The following SLC12A8 variants were observed in gnomAD, a reference collection of about 807,000 sequenced individuals.
The protein encoded by SLC12A8 is solute carrier family 12 member 8.
SLC12A8 carries 69 observed loss-of-function variants against 75.6 expected under a neutral mutation model. The observed-to-expected ratio is 0.91, with a 90% CI of 0.75 to 1.11. The LOEUF is 1.11. Ranked by LOEUF, SLC12A8 falls within the 50% of genes most tolerant of loss-of-function variation. SLC12A8 has a pLI of 0.00. For synonymous variants in SLC12A8, 365 were observed against 372.8 expected (o/e 0.98, Z 0.24); for missense variants, 877 against 896.7 (o/e 0.98, Z 0.28).
intron 5 of SLC12A8, among the ~76,000 whole-genome samples, chr3:125,161,908 C>T (rs1167971281): frequency 1.3e-5 from 2 of 152,250 alleles, no homozygotes; most frequent in Non-Finnish European, 1.5e-5. Flanking sequence ...GGAAAACTTT[C>T]AAAGCCACAG....
At chr3:125,175,954 T>C (rs938908425) in intron 5 of SLC12A8, among the ~76,000 whole-genome samples, 3 of 151,402 alleles carry the variant, frequency 2.0e-5, no homozygotes, top group Admixed American at 6.6e-5. Flanking sequence ...TGCCAGAGGG[T>C]AGGGGATACT....
intron 12 of SLC12A8, among the ~76,000 whole-genome samples, chr3:125,089,203 C>G (rs940551820): frequency 6.6e-6 from 1 of 152,086 alleles, no homozygotes; most frequent in Non-Finnish European, 1.5e-5. Flanking sequence ...CAGCTGATAA[C>G]CTGTTTCCTC....
At position 125,097,824 on chromosome 3, in the gene SLC12A8, C is replaced by T. The variant is rs185840545; in HGVS notation, c.1706-5626G>A. ...TGCTGGAGAAAGCAAGTTGTACAAA[C>T]TTGTCAGAGGGGCAGGGGACAGCTT... On this transcript the variant is annotated intron_variant, in intron 10 of 13. Transcript: ENST00000469902. 2.8e-4 allele frequency among the ~76,000 whole-genome samples: 43 copies of T among 152,004 alleles called. No individual in the cohort carries two copies. In the East Asian group the frequency reaches 7.5e-3, roughly 27 times the overall value.
intron 5 of SLC12A8, among the ~76,000 whole-genome samples, chr3:125,147,709 AGAG>A (rs1204549659): frequency 2.0e-5 from 3 of 152,146 alleles, no homozygotes; most frequent in Admixed American, 1.3e-4. Flanking sequence ...GGGGAGAGCA[AGAG>A]GAGGAGAAAG....
chr3:125,120,141 G>A (rs773276539), intron 7 of SLC12A8, among the ~76,000 whole-genome samples: 2 of 152,192 alleles, frequency 1.3e-5, no homozygotes, highest in East Asian at 3.9e-4. Context: ...AAAGGAAATG[G>A]AGGCTCAGAG....
intron 8 of SLC12A8, among the ~76,000 whole-genome samples, chr3:125,114,102 C>T (rs1006496899): frequency 1.3e-5 from 2 of 152,196 alleles, no homozygotes; most frequent in Non-Finnish European, 2.9e-5. Context: ...AACATCTCCA[C>T]GCTCCATGAA....
intron 6 of SLC12A8, among the ~76,000 whole-genome samples, chr3:125,128,842 AG>A (rs541546715): frequency 1.3e-5 from 2 of 151,966 alleles, no homozygotes; most frequent in African/African-American, 4.8e-5. Flanking sequence ...GACGCCTAGG[AG>A]GGGGGAATGG....
intron 4 of SLC12A8, among the ~76,000 whole-genome samples, chr3:125,185,005 C>T (rs1286875273): frequency 6.6e-6 from 1 of 151,874 alleles, no homozygotes; most frequent in East Asian, 1.9e-4. Context: ...TATGCCGATG[C>T]ATTAGATAAC....
At chr3:125,188,433 T>C (rs1001973361) in intron 3 of SLC12A8, among the ~76,000 whole-genome samples, 1 of 152,252 alleles carries the variant, frequency 6.6e-6, no homozygotes, top group African/African-American at 2.4e-5. Context: ...TCATGTTTTC[T>C]TCCCCTTCAT....
chr3:125,209,587 C>T (rs1474542315), intron 2 of SLC12A8, among the ~76,000 whole-genome samples: 1 of 152,210 alleles, frequency 6.6e-6, no homozygotes, highest in African/African-American at 2.4e-5. Context: ...AACTTCTATA[C>T]ACAACACACC....
chr3:125,194,956 AC>A (rs779080718), intron 2 of SLC12A8, among the ~76,000 whole-genome samples: 6 of 152,220 alleles, frequency 3.9e-5, no homozygotes, highest in Non-Finnish European at 7.3e-5. Context: ...CATGTGCTGG[AC>A]CACAGGGGTT....
intron 8 of SLC12A8, 60 bp from the exon 9 acceptor site, chr3:125,110,395 C>G (rs145642323): frequency 2.6e-6 from 4 of 1,554,992 alleles, no homozygotes; most frequent in African/African-American, 2.7e-5. Context: ...CTTTCTACCC[C>G]CCCAGCACCC....
intron 7 of SLC12A8, chr3:125,119,149 G>T: frequency 4.2e-6 from 1 of 237,524 alleles, no homozygotes; most frequent in South Asian, 6.7e-5. Flanking sequence ...CATGGGCCAT[G>T]CTAATCTCTG....
At chr3:125,140,946 G>A (rs1357698552) in intron 5 of SLC12A8, among the ~76,000 whole-genome samples, 1 of 152,034 alleles carries the variant, frequency 6.6e-6, no homozygotes, top group Non-Finnish European at 1.5e-5. Context: ...CTCTCTGTTG[G>A]GCTTTCAATT....
chr3:125,103,784 C>T (rs1387885654), intron 10 of SLC12A8, among the ~76,000 whole-genome samples: 3 of 152,062 alleles, frequency 2.0e-5, no homozygotes, highest in Non-Finnish European at 2.9e-5. Flanking sequence ...AGGCATGTGC[C>T]ACTATACCCC....
intron 5 of SLC12A8, among the ~76,000 whole-genome samples, chr3:125,167,700 T>C (rs1367139238): frequency 6.6e-6 from 1 of 152,234 alleles, no homozygotes; most frequent in Non-Finnish European, 1.5e-5. Context: ...TTTCAGACCA[T>C]GCCTTCTTCA....
chr3:125,178,146 G>A (rs905454385), intron 4 of SLC12A8, among the ~76,000 whole-genome samples, 172 bp from the exon 5 acceptor site: 8 of 152,124 alleles, frequency 5.3e-5, no homozygotes, highest in African/African-American at 1.9e-4. Flanking sequence ...CCGTGAACCT[G>A]CCTCAGGCCC....
chr3:125,131,309 G>A (rs1330833865), intron 6 of SLC12A8, among the ~76,000 whole-genome samples: 1 of 152,186 alleles, frequency 6.6e-6, no homozygotes, highest in East Asian at 1.9e-4. Flanking sequence ...GGGAAAACAT[G>A]AGGCGACAAG....
intron 2 of SLC12A8, among the ~76,000 whole-genome samples, chr3:125,210,043 G>A (rs1017799467): frequency 6.6e-6 from 1 of 152,142 alleles, no homozygotes; most frequent in Non-Finnish European, 1.5e-5. Flanking sequence ...CCAATCCTTC[G>A]ATGTTTAGCT....
Sources: gnomAD v4.1 joint callset for allele counts (sites outside exome capture counted in the v4.1 genomes callset) on GRCh38, gnomAD v4.1.1 for gene constraint, MANE v1.5 for transcripts, NCBI Gene and HGNC (gene_info 2026-07-23, HGNC 2026-07-21) for gene names.